The following FNDC3B variants were observed in gnomAD, a reference collection of about 807,000 sequenced individuals.
The protein encoded by FNDC3B is fibronectin type III domain containing 3B.
Under a neutral mutation model 151.5 loss-of-function variants are expected in FNDC3B, and 12 were observed. The observed-to-expected ratio is 0.08, with a 90% CI of 0.05 to 0.13. The LOEUF (loss-of-function observed/expected upper bound fraction) is 0.13. Ranked by LOEUF, FNDC3B falls within the 10% of genes least tolerant of loss-of-function variation. The pLI, the probability that FNDC3B is intolerant of heterozygous loss-of-function variation, is 1.00. For synonymous variants in FNDC3B, 528 were observed against 549.0 expected, an observed-to-expected ratio of 0.96 and a Z score of 0.54; for missense variants, 1,214 against 1,505.3, an observed-to-expected ratio of 0.81 and a Z score of 3.20.
At chr3:172,075,000 A>G (rs572877695) in intron 1 of FNDC3B, among the ~76,000 whole-genome samples, 16 of 152,228 alleles carry the variant, frequency 1.1e-4, no homozygotes, top group Non-Finnish European at 1.9e-4. Flanking sequence ...TCTTGATTTT[A>G]GTACATTTGT....
chr3:172,236,902 C>T (rs1362716207), intron 4 of FNDC3B, among the ~76,000 whole-genome samples: 2 of 152,186 alleles, frequency 1.3e-5, no homozygotes, highest in African/African-American at 2.4e-5. Flanking sequence ...GTCCAACCCT[C>T]AGGGGTTACT....
chr3:172,242,427 G>A (rs907072773), intron 4 of FNDC3B, among the ~76,000 whole-genome samples: 3 of 152,166 alleles, frequency 2.0e-5, no homozygotes, highest in Non-Finnish European at 4.4e-5. Flanking sequence ...GGACATCCAG[G>A]CATTTCCATA....
intron 3 of FNDC3B, among the ~76,000 whole-genome samples, chr3:172,153,481 A>C (rs1437625719): frequency 6.6e-6 from 1 of 152,208 alleles, no homozygotes; most frequent in Non-Finnish European, 1.5e-5. Context: ...TTTCCTGCTG[A>C]CGTGGCCTCC....
intron 3 of FNDC3B, among the ~76,000 whole-genome samples, chr3:172,144,692 G>C (rs1721807138): frequency 7.2e-6 from 1 of 139,636 alleles, no homozygotes; most frequent in Admixed American, 7.5e-5. Context: ...AACAAATATG[G>C]GTTTAAAAGG....
chr3:172,319,475 C>T (rs1731975339), intron 11 of FNDC3B, among the ~76,000 whole-genome samples: 1 of 152,168 alleles, frequency 6.6e-6, no homozygotes, highest in East Asian at 1.9e-4. Flanking sequence ...GGCAGCCAAG[C>T]CTCCCCTCTT....
chr3:172,334,161 A>G (rs1215157811), intron 14 of FNDC3B, among the ~76,000 whole-genome samples: 1 of 152,222 alleles, frequency 6.6e-6, no homozygotes, highest in African/African-American at 2.4e-5. Context: ...CCAAATTATC[A>G]AGTGCAGTGT....
At chr3:172,146,662 G>C (rs1005874380) in intron 3 of FNDC3B, among the ~76,000 whole-genome samples, 1 of 152,194 alleles carries the variant, frequency 6.6e-6, no homozygotes, top group Non-Finnish European at 1.5e-5. Flanking sequence ...ACCTGTGGCT[G>C]TTTATCAGGT....
intron 21 of FNDC3B, among the ~76,000 whole-genome samples, chr3:172,351,597 A>G (rs915243169): frequency 1.3e-5 from 2 of 152,218 alleles, no homozygotes; most frequent in African/African-American, 4.8e-5. Flanking sequence ...CCTGATTCAT[A>G]TTTTCACTGA....
intron 2 of FNDC3B, among the ~76,000 whole-genome samples, chr3:172,130,532 G>A (rs1400655266): frequency 6.6e-6 from 1 of 152,100 alleles, no homozygotes; most frequent in Non-Finnish European, 1.5e-5. Flanking sequence ...AGCAGGGGGG[G>A]AAGGTATAAG....
At chr3:172,313,496 A>T (rs779222591) in intron 11 of FNDC3B, among the ~76,000 whole-genome samples, 9 of 152,292 alleles carry the variant, frequency 5.9e-5, no homozygotes, top group Non-Finnish European at 1.2e-4. Flanking sequence ...GAATATTTGG[A>T]ATCATTTTCA....
chr3:172,282,488 T>G lies in FNDC3B; in HGVS notation c.791-3438T>G, dbSNP rs543080853. On this transcript the variant is annotated intron_variant, in intron 6 of 25. Coordinates refer to ENST00000415807, the MANE Select transcript of FNDC3B (RefSeq NM_022763.4). ...CCCCATGCCCTGCCATTTTTATTTTTGATCTTCTCAGAATCCTTTGTTTAT... is the reference window on the plus strand; with the variant it reads ...CCCCATGCCCTGCCATTTTTATTTTGGATCTTCTCAGAATCCTTTGTTTAT... 1.1e-4 allele frequency among the ~76,000 whole-genome samples: 16 copies of G among 152,354 alleles called. No homozygotes were observed. The South Asian group carries it at 3.1e-3, about 30-fold the overall frequency.
At chr3:172,325,667 G>A (rs775464195) in intron 11 of FNDC3B, among the ~76,000 whole-genome samples, 2 of 152,094 alleles carry the variant, frequency 1.3e-5, no homozygotes, top group African/African-American at 4.8e-5. Flanking sequence ...CAGAGCCGTC[G>A]GAGAGCCTGG....
chr3:172,324,511 A>G (rs182762491), intron 11 of FNDC3B, among the ~76,000 whole-genome samples: 1 of 152,342 alleles, frequency 6.6e-6, no homozygotes, highest in East Asian at 1.9e-4. Context: ...GAGCACCTCA[A>G]GGTTTGTCTG....
chr3:172,342,871 A>G (rs919328001), intron 17 of FNDC3B, 140 bp from the exon 18 acceptor site: 1 of 565,432 alleles, frequency 1.8e-6, no homozygotes, highest in South Asian at 2.3e-5. Flanking sequence ...CATTAAAAGC[A>G]TACCATAATG....
intron 4 of FNDC3B, among the ~76,000 whole-genome samples, chr3:172,232,147 C>T (rs1726925851): frequency 6.6e-6 from 1 of 152,008 alleles, no homozygotes; most frequent in African/African-American, 2.4e-5. Context: ...TCCCAAAGTG[C>T]TGGGATTACA....
At chr3:172,241,360 G>T (rs192402805) in intron 4 of FNDC3B, among the ~76,000 whole-genome samples, 3 of 152,048 alleles carry the variant, frequency 2.0e-5, no homozygotes, top group Non-Finnish European at 2.9e-5. Context: ...AGGATTAGTT[G>T]GTTTCTTCTA....
At chr3:172,345,821 G>A (rs1733588392) in intron 19 of FNDC3B, 1 of 152,292 alleles carries the variant, frequency 6.6e-6, no homozygotes, top group South Asian at 2.1e-4. Context: ...CCTTGAATAG[G>A]TGAGGTGATG....
At chr3:172,133,342 T>C in intron 2 of FNDC3B, 129 bp from the exon 3 acceptor site, 1 of 699,018 alleles carries the variant, frequency 1.4e-6, no homozygotes. Flanking sequence ...AGACTTATAC[T>C]CCAAGTTTTG....
At chr3:172,185,366 C>T (rs960383510) in intron 3 of FNDC3B, among the ~76,000 whole-genome samples, 5 of 152,146 alleles carry the variant, frequency 3.3e-5, no homozygotes, top group Non-Finnish European at 7.3e-5. Context: ...TAGAGAGAAG[C>T]GATCCAGATA....
Sources: gnomAD v4.1 joint callset for allele counts (sites outside exome capture counted in the v4.1 genomes callset) on GRCh38, gnomAD v4.1.1 for gene constraint, MANE v1.5 for transcripts, NCBI Gene and HGNC (gene_info 2026-07-23, HGNC 2026-07-21) for gene names.